Variants in PSMD6 observed in about 807,000 individuals in gnomAD.
PSMD6 encodes the protein 26S proteasome non-ATPase regulatory subunit 6.
In PSMD6, 7 loss-of-function variants were observed where a neutral mutation model predicts 44.9. The observed-to-expected ratio is 0.16, with a 90% CI of 0.09 to 0.29. The LOEUF is 0.29. Ranked by LOEUF, PSMD6 falls within the 10% of genes least tolerant of loss-of-function variation. The pLI is 1.00. For missense variants in PSMD6, 420 were observed against 482.6 expected (o/e 0.87, Z 1.21); for synonymous variants, 184 against 172.7 (o/e 1.07, Z -0.51).
chr3:64,018,922 C>G lies in PSMD6; in HGVS notation c.613G>C (p.Val205Leu). ...AGTTCATAGGATGTAAATGTTGAAA[C>G]AGTGTCAAGGAAGAGTTCAGCTGCC... is the stretch of plus-strand genomic sequence containing the variant. Reference protein sequence around the residue: ...KQAAELFLDTVSTFTSYELMD... With the variant: ...KQAAELFLDTLSTFTSYELMD... Residue 205 changes from valine to leucine, a missense_variant, in exon 4 of 8, where the codon GTT (valine) becomes CTT (leucine). Physicochemically the swap from Val to Leu is conservative, Grantham distance 32. This residue lies in a region of PSMD6 where 216 missense variants were observed against 227.0 expected (regional missense o/e 0.95). Transcript: ENST00000295901. The G allele has an allele frequency of 1.3e-6, 2 of 1,599,926 alleles. No homozygotes were observed. Among genetic ancestry groups the G allele is most frequent in the Non-Finnish European group, 1.7e-6 (2 of 1,167,184 alleles).
intron 5 of PSMD6, chr3:64,015,094 T>C (rs1329274831): frequency 2.0e-5 from 3 of 152,302 alleles, no homozygotes; most frequent in East Asian, 3.9e-4. Flanking sequence ...CCACTAACCA[T>C]GAGATGGTGC....
At chr3:64,016,459 A>C (rs2076045678) in intron 5 of PSMD6, 2 of 146,674 alleles carry the variant, frequency 1.4e-5, no homozygotes, top group Non-Finnish European at 3.0e-5. Flanking sequence ...ATGAAGATTA[A>C]AAAAAAAAAA....
chr3:64,017,276 G>A (rs904902758), intron 5 of PSMD6: 5 of 152,118 alleles, frequency 3.3e-5, no homozygotes, highest in African/African-American at 1.2e-4. Context: ...GTACACTTGA[G>A]GTAATTTTAT....
intron 2 of PSMD6, chr3:64,020,052 T>G (rs942921838): frequency 2.0e-5 from 3 of 152,126 alleles, no homozygotes; most frequent in African/African-American, 7.2e-5. Context: ...TTAAATACTA[T>G]CCCCCACTAA....
At chr3:64,020,237 A>G (rs1427362948) in intron 2 of PSMD6, among the ~76,000 whole-genome samples, 1 of 152,184 alleles carries the variant, frequency 6.6e-6, no homozygotes, top group Non-Finnish European at 1.5e-5. Context: ...TTAGCACCAT[A>G]AAGAATAAGA....
chr3:64,020,408 G>A (rs1030968288), intron 2 of PSMD6, among the ~76,000 whole-genome samples: 2 of 152,118 alleles, frequency 1.3e-5, no homozygotes, highest in African/African-American at 4.8e-5. Flanking sequence ...TATAATATTA[G>A]AACATTTTAC....
intron 2 of PSMD6, among the ~76,000 whole-genome samples, chr3:64,021,373 A>C (rs1559678588): frequency 6.6e-6 from 1 of 152,248 alleles, no homozygotes; most frequent in Admixed American, 6.5e-5. Context: ...AAGGGCAAAC[A>C]GGACTACACT....
At position 64,022,457 on chromosome 3, in the gene PSMD6, T is replaced by C. The variant is rs148845415; in HGVS notation, c.212A>G (p.Asn71Ser). 1.5e-5 allele frequency: 25 copies of C among 1,614,080 alleles called. No individual in the cohort carries two copies. The highest frequency in any genetic ancestry group is 3.3e-5 in the South Asian group (3 of 91,092). ...ATCTTCATTTGCCTTCTTCATTTTA[T>C]TGAGTAGGTCCACGTCTATCTGCCA... ...LDWQIDVDLL[N>S]KMKKANEDEL... Residue 71 changes from asparagine (N) to serine (S), a missense_variant, in exon 2 of 8, where the codon AAT becomes AGT. This residue lies in a region of PSMD6 where 136 missense variants were observed against 124.2 expected (regional missense o/e 1.09). Transcript: ENST00000295901.
chr3:64,013,189 A>G (rs1414036337), intron 6 of PSMD6: 3 of 360,970 alleles, frequency 8.3e-6, no homozygotes, highest in Admixed American at 4.5e-5. Context: ...CAACTGGTCT[A>G]ATGACCTTTA....
At chr3:64,022,704 A>T in intron 1 of PSMD6, 181 bp from the exon 2 acceptor site, 2 of 1,536,970 alleles carry the variant, frequency 1.3e-6, no homozygotes, top group Non-Finnish European at 1.7e-6. Context: ...TGCTGGTGGG[A>T]GGTTTGCGTG....
intron 5 of PSMD6, chr3:64,014,926 G>A (rs1259112099): frequency 6.6e-6 from 1 of 152,258 alleles, no homozygotes; most frequent in African/African-American, 2.4e-5. Context: ...CAGACACTGA[G>A]AGGTCTAACA....
At chr3:64,022,900 T>A in intron 1 of PSMD6, 12 of 1,484,338 alleles carry the variant, frequency 8.1e-6, no homozygotes, top group Non-Finnish European at 9.9e-6. Context: ...CGAACCCAAA[T>A]TTCCCTTCCA....
At chr3:64,013,656 A>AAAAG (rs1394209014) in intron 5 of PSMD6, 49 bp from the exon 6 acceptor site, 2 of 1,496,708 alleles carry the variant, frequency 1.3e-6, no homozygotes, top group South Asian at 1.3e-5. Context: ...GTTTCAGATA[A>AAAAG]AAAGATTAAA....
At chr3:64,023,895 C>G, upstream of PSMD6, 2 of 1,374,414 alleles carry the variant, frequency 1.5e-6, no homozygotes, top group South Asian at 2.6e-5. Flanking sequence ...GTAGGTAAGA[C>G]AAATGAGGCA....
intron 2 of PSMD6, among the ~76,000 whole-genome samples, chr3:64,020,657 T>G (rs1324330529): frequency 1.3e-5 from 2 of 152,226 alleles, no homozygotes; most frequent in African/African-American, 4.8e-5. Flanking sequence ...TCGTTTTAGA[T>G]ATACATTGCA....
chr3:64,017,840 C>T (rs2076071596), intron 5 of PSMD6: 1 of 152,180 alleles, frequency 6.6e-6, no homozygotes, highest in Admixed American at 6.5e-5. Flanking sequence ...GCAGCATAAA[C>T]AAAATATATC....
In PSMD6 at chr3:64,018,800, T is replaced by C. The variant is rs780944365; in HGVS notation, c.717+18A>G. On this transcript the variant is annotated intron_variant, in intron 4 of 7. Transcript: ENST00000295901. The stretch of plus-strand genomic sequence containing the variant: ...AAAAACAAGTCTTTAAATTTGAGTA[T>C]TAAAGTTTGGTCATTACCTTTTCCC... 5 of 1,549,522 alleles carry C rather than the reference T, an allele frequency of 3.2e-6. No homozygotes were observed. The highest frequency in any genetic ancestry group is 1.7e-5 in the Admixed American group (1 of 58,628).
intron 2 of PSMD6, among the ~76,000 whole-genome samples, chr3:64,020,185 A>G (rs1202983739): frequency 6.6e-6 from 1 of 152,184 alleles, no homozygotes; most frequent in Non-Finnish European, 1.5e-5. Context: ...CAAAAGGACA[A>G]AGTGTCTTGA....
chr3:64,021,420 C>T (rs541576080), intron 2 of PSMD6, among the ~76,000 whole-genome samples: 64 of 152,258 alleles, frequency 4.2e-4, no homozygotes, highest in African/African-American at 1.5e-3. Context: ...AAAAAAAATT[C>T]TGTAGAATTA....
Sources: allele counts gnomAD v4.1 joint callset (sites outside exome capture counted in the v4.1 genomes callset), GRCh38; gene constraint gnomAD v4.1.1; regional missense constraint gnomAD v4.1.1; transcripts MANE v1.5; gene names NCBI Gene and HGNC (gene_info 2026-07-23, HGNC 2026-07-21).